Variants in CRACDL observed in about 807,000 individuals in gnomAD.
The protein encoded by CRACDL is CRACD-like protein.
In CRACDL, 26 loss-of-function variants were observed where a neutral mutation model predicts 70.6. That is an observed-to-expected ratio of 0.37 (90% CI 0.27 to 0.51). The LOEUF (loss-of-function observed/expected upper bound fraction) is 0.51, where lower values mean the gene tolerates loss of function less well. Among genes scored for constraint, CRACDL ranks in the 20% least tolerant of loss-of-function variants. The pLI is 0.94. For synonymous variants in CRACDL, 618 were observed against 615.2 expected, an observed-to-expected ratio of 1.00 and a Z score of -0.07; for missense variants, 1,283 against 1,376.9, an observed-to-expected ratio of 0.93 and a Z score of 1.08.
intron 1 of CRACDL, among the ~76,000 whole-genome samples, chr2:98,851,996 G>A (rs1020151562): frequency 2.0e-5 from 3 of 152,178 alleles, no homozygotes; most frequent in Non-Finnish European, 4.4e-5. Flanking sequence ...ATTTATGTGT[G>A]TAGGGCTTTT....
chr2:98,795,077 A>ATTTTTTTTTTT lies in CRACDL; in HGVS notation c.2750-417_2750-407dup, dbSNP rs1181969802. On this transcript the variant is annotated intron_variant, in intron 9 of 9. Coordinates refer to ENST00000397899, the MANE Select transcript of CRACDL (RefSeq NM_207362.3). ...TATATATATATATATATATATATAT[A>ATTTTTTTTTTT]TTTTTTTTTTTTTTTGAGACAGAAG... Among the ~76,000 whole-genome samples, 351 of 58,402 alleles carry ATTTTTTTTTTT rather than the reference A, an allele frequency of 6.0e-3. 43 individuals carry two copies. Among genetic ancestry groups the ATTTTTTTTTTT allele is most frequent in the Non-Finnish European group, 7.9e-3 (253 of 32,018 alleles). The allele number at this position is 58,402 out of a possible 152,430, so 38.3% of individuals were successfully genotyped here.
intron 1 of CRACDL, among the ~76,000 whole-genome samples, chr2:98,935,272 C>T (rs770195524): frequency 1.1e-4 from 17 of 152,098 alleles, no homozygotes; most frequent in Non-Finnish European, 2.1e-4. Flanking sequence ...AGGCGGTTTG[C>T]ACCTACACGG....
chr2:98,933,958 CTCCTCACAGTG>C (rs371585463), intron 1 of CRACDL, among the ~76,000 whole-genome samples: 113 of 152,266 alleles, frequency 7.4e-4, no homozygotes, highest in African/African-American at 2.6e-3. Context: ...TAGAAGGCGC[CTCCTCACAGTG>C]TCCTCACATG....
intron 1 of CRACDL, among the ~76,000 whole-genome samples, chr2:98,920,755 A>G (rs1708783588): frequency 6.6e-6 from 1 of 152,182 alleles, no homozygotes; most frequent in Non-Finnish European, 1.5e-5. Flanking sequence ...GCACAGTAGC[A>G]CTTATTTTAA....
chr2:98,862,765 G>A (rs1413157279), intron 1 of CRACDL, among the ~76,000 whole-genome samples: 1 of 152,042 alleles, frequency 6.6e-6, no homozygotes, highest in Non-Finnish European at 1.5e-5. Flanking sequence ...TTGAAGAAAA[G>A]TGAACAGAAA....
chr2:98,797,107 C>T (rs1703855920), intron 8 of CRACDL, among the ~76,000 whole-genome samples: 1 of 152,260 alleles, frequency 6.6e-6, no homozygotes, highest in Admixed American at 6.5e-5. Context: ...GATTCACATG[C>T]TTCTCTGCAT....
At chr2:98,815,069 T>C (rs1038158759) in intron 7 of CRACDL, among the ~76,000 whole-genome samples, 1 of 152,198 alleles carries the variant, frequency 6.6e-6, no homozygotes, top group Non-Finnish European at 1.5e-5. Flanking sequence ...AGAATTTCTA[T>C]CTTTCCATTA....
At chr2:98,805,433 G>A (rs991384534) in intron 7 of CRACDL, among the ~76,000 whole-genome samples, 6 of 152,030 alleles carry the variant, frequency 3.9e-5, no homozygotes, top group East Asian at 1.9e-4. Flanking sequence ...AAGGTGCCCC[G>A]GATGCCCTCA....
At chr2:98,797,640 T>G in intron 7 of CRACDL, 103 bp from the exon 8 acceptor site, 1 of 1,110,148 alleles carries the variant, frequency 9.0e-7, no homozygotes, top group Non-Finnish European at 1.3e-6. Flanking sequence ...GGTTCAGGGT[T>G]GCAGGGTGTC....
chr2:98,808,220 G>A (rs1704401493), intron 7 of CRACDL, among the ~76,000 whole-genome samples: 1 of 152,212 alleles, frequency 6.6e-6, no homozygotes, highest in South Asian at 2.1e-4. Flanking sequence ...ATCACCTTAA[G>A]CAGATTCATA....
At chr2:98,806,784 G>A (rs776475069) in intron 7 of CRACDL, among the ~76,000 whole-genome samples, 3 of 152,224 alleles carry the variant, frequency 2.0e-5, no homozygotes, top group Admixed American at 1.3e-4. Flanking sequence ...CTTACACTTT[G>A]AAATGTACAC....
At chr2:98,821,171 T>C (rs139035516) in intron 7 of CRACDL, among the ~76,000 whole-genome samples, 66 of 152,304 alleles carry the variant, frequency 4.3e-4, no homozygotes, top group Non-Finnish European at 7.4e-4. Context: ...CCTTTTCTAC[T>C]CTTTATTCCT....
intron 1 of CRACDL, among the ~76,000 whole-genome samples, chr2:98,847,722 A>G (rs1415752567): frequency 8.5e-5 from 13 of 152,146 alleles, no homozygotes; most frequent in Non-Finnish European, 1.9e-4. Context: ...ATATACTATC[A>G]CACCATTTAT....
At chr2:98,838,347 T>G (rs1705883991) in intron 2 of CRACDL, 60 bp from the exon 3 acceptor site, 1 of 942,378 alleles carries the variant, frequency 1.1e-6, no homozygotes. Context: ...TTTATGTGCA[T>G]GTATGCAACA....
chr2:98,863,298 A>G (rs753900542), intron 1 of CRACDL, among the ~76,000 whole-genome samples: 1 of 152,240 alleles, frequency 6.6e-6, no homozygotes, highest in Non-Finnish European at 1.5e-5. Flanking sequence ...TATAACTGGC[A>G]AAAGTATCCT....
At chr2:98,880,659 G>T (rs1333506769) in intron 1 of CRACDL, among the ~76,000 whole-genome samples, 3 of 152,152 alleles carry the variant, frequency 2.0e-5, no homozygotes, top group African/African-American at 7.2e-5. Flanking sequence ...AGGTCAGGTG[G>T]CCACAAAGCC....
chr2:98,913,693 C>T (rs1406363348), intron 1 of CRACDL, among the ~76,000 whole-genome samples: 2 of 152,164 alleles, frequency 1.3e-5, no homozygotes, highest in Admixed American at 6.5e-5. Flanking sequence ...GCATGGTCTT[C>T]GGGAGCAGAA....
intron 1 of CRACDL, chr2:98,869,023 G>T: frequency 8.5e-7 from 1 of 1,181,586 alleles, no homozygotes; most frequent in Non-Finnish European, 1.1e-6. Context: ...TCACGGCCTG[G>T]CCTCCCCTCC....
At chr2:98,925,613 C>T (rs757943452) in intron 1 of CRACDL, among the ~76,000 whole-genome samples, 7 of 152,138 alleles carry the variant, frequency 4.6e-5, no homozygotes, top group East Asian at 1.9e-4. Context: ...GCTGCATACA[C>T]GGGGAGTGCG....
Sources: allele counts gnomAD v4.1 joint callset (sites outside exome capture counted in the v4.1 genomes callset), GRCh38; gene constraint gnomAD v4.1.1; transcripts MANE v1.5; gene names NCBI Gene and HGNC (gene_info 2026-07-23, HGNC 2026-07-21).